PCDHGA1: variants seen among roughly 807,000 people sequenced by gnomAD.
PCDHGA1 encodes the protein protocadherin gamma-A1.
PCDHGA1 carries 32 observed loss-of-function variants against 58.0 expected under a neutral mutation model. The observed-to-expected ratio is 0.55, with a 90% CI of 0.42 to 0.74. The LOEUF (loss-of-function observed/expected upper bound fraction) is 0.74. PCDHGA1 is among the 30% of genes least tolerant of loss of function. The pLI is 0.00. For synonymous variants in PCDHGA1, 498 were observed against 501.1 expected (o/e 0.99, Z 0.08); for missense variants, 1,205 against 1,182.3 (o/e 1.02, Z -0.28).
In PCDHGA1 at chr5:141,344,605, A is replaced by G; in HGVS notation, c.2421+11500A>G. ...AATAGCGTCTCTGAGGGGGCCAAGT[A>G]TCCAGAGCTGGTGCTGGAGCGGGCC... On this transcript the variant is annotated intron_variant, in intron 1 of 3. Coordinates refer to ENST00000517417, the MANE Select transcript of PCDHGA1 (RefSeq NM_018912.3). The G allele has an allele frequency of 6.2e-7, 1 of 1,613,998 alleles. No individual in the cohort carries two copies. The highest frequency in any genetic ancestry group is 8.5e-7 in the Non-Finnish European group (1 of 1,179,890).
intron 1 of PCDHGA1, among the ~76,000 whole-genome samples, chr5:141,482,899 T>C (rs1238389686): frequency 1.3e-5 from 2 of 152,076 alleles, no homozygotes; most frequent in Non-Finnish European, 2.9e-5. Context: ...TGGTGAAACC[T>C]CATCTCTATT....
intron 3 of PCDHGA1, 93 bp downstream of exon 3, chr5:141,505,574 C>G: frequency 6.3e-7 from 1 of 1,593,636 alleles, no homozygotes; most frequent in South Asian, 1.1e-5. Flanking sequence ...GGATGTCAAA[C>G]CTGTGTAGTT....
At chr5:141,400,684 G>GT (rs1422516327) in intron 1 of PCDHGA1, 1 of 834,872 alleles carries the variant, frequency 1.2e-6, no homozygotes, top group African/African-American at 1.7e-5. Flanking sequence ...TAAATTGTGA[G>GT]TTTTTATGTC....
chr5:141,401,125 C>T (rs2094118410), intron 1 of PCDHGA1, among the ~76,000 whole-genome samples: 1 of 152,200 alleles, frequency 6.6e-6, no homozygotes, highest in South Asian at 2.1e-4. Context: ...GGTTGGATCA[C>T]ATGGTCAGGA....
chr5:141,508,540 G>A (rs993826709), intron 3 of PCDHGA1, among the ~76,000 whole-genome samples: 3 of 152,144 alleles, frequency 2.0e-5, no homozygotes, highest in African/African-American at 4.8e-5. Flanking sequence ...CCCCCCACGA[G>A]GTGGGCGGGG....
intron 1 of PCDHGA1, chr5:141,398,610 T>C: frequency 6.2e-7 from 1 of 1,614,020 alleles, no homozygotes. Context: ...AAGATGCAGA[T>C]ATTGGCTTAA....
rs142590218 is a variant in PCDHGA1, at chr5:141,489,982, C to T, written c.2422-4825C>T. On this transcript the variant is annotated intron_variant, in intron 1 of 3. Coordinates refer to ENST00000517417, the MANE Select transcript of PCDHGA1 (RefSeq NM_018912.3). This position sits in a 1 kb window ranked among gnomAD's most constrained non-coding sequence, Gnocchi z 4.5. ...TCCAACCTTCCAATCCTCAGTTCTA[C>T]GTGTGGGAATCCCAGAGAATGCACC... The T allele has an allele frequency of 2.9e-5, 47 of 1,614,010 alleles. No individual in the cohort carries two copies. The highest frequency in any genetic ancestry group is 3.7e-5 in the Non-Finnish European group (44 of 1,179,964).
chr5:141,372,926 G>C, intron 1 of PCDHGA1: 3 of 943,814 alleles, frequency 3.2e-6, no homozygotes, highest in Non-Finnish European at 4.6e-6. Context: ...TTGATTTTCT[G>C]GTGTAGAGTA....
At chr5:141,423,225 C>T (rs763729316) in intron 1 of PCDHGA1, 3 of 1,613,804 alleles carry the variant, frequency 1.9e-6, no homozygotes, top group South Asian at 1.1e-5. Context: ...TGGCTGTGGC[C>T]GACAGCATCC....
intron 1 of PCDHGA1, among the ~76,000 whole-genome samples, chr5:141,463,542 G>A (rs1376087953): frequency 7.1e-6 from 1 of 141,810 alleles, no homozygotes; most frequent in African/African-American, 2.6e-5. Context: ...TCCGGCTCCC[G>A]GGTTCATGCC....
intron 1 of PCDHGA1, chr5:141,423,750 TGGG>T: frequency 4.5e-5 from 13 of 287,436 alleles, no homozygotes; most frequent in South Asian, 1.7e-4. Flanking sequence ...GAAAACTGTT[TGGG>T]GGGGGGGTGG....
At chr5:141,464,580 G>A (rs1459502164) in intron 1 of PCDHGA1, among the ~76,000 whole-genome samples, 1 of 152,118 alleles carries the variant, frequency 6.6e-6, no homozygotes, top group East Asian at 1.9e-4. Context: ...AGATGAGAAT[G>A]TCCATTGTCC....
intron 3 of PCDHGA1, chr5:141,508,338 A>T (rs1245526252): frequency 1.3e-5 from 2 of 152,224 alleles, no homozygotes; most frequent in Non-Finnish European, 2.9e-5. Flanking sequence ...AACTGACTCT[A>T]CAGAAAGTCA....
intron 1 of PCDHGA1, chr5:141,374,690 G>A (rs758543198): frequency 6.2e-7 from 1 of 1,609,720 alleles, no homozygotes; most frequent in Non-Finnish European, 8.5e-7. Flanking sequence ...ACTGGACCGG[G>A]AAGGAGAAGC....
chr5:141,372,572 C>T (rs1199574805), intron 1 of PCDHGA1: 4 of 1,614,056 alleles, frequency 2.5e-6, no homozygotes, highest in East Asian at 4.5e-5. Flanking sequence ...CTGAGGGCTA[C>T]TTTCAGCCTG....
intron 1 of PCDHGA1, chr5:141,356,725 T>C (rs780083329): frequency 3.1e-6 from 5 of 1,613,818 alleles, no homozygotes; most frequent in Non-Finnish European, 4.2e-6. Context: ...CTCCATCAAC[T>C]CCAATACAGG....
intron 1 of PCDHGA1, among the ~76,000 whole-genome samples, chr5:141,482,435 A>G (rs2099559555): frequency 6.6e-6 from 1 of 150,568 alleles, no homozygotes; most frequent in South Asian, 2.1e-4. Flanking sequence ...GATAATACTG[A>G]TATTCACCAT....
intron 1 of PCDHGA1, chr5:141,410,904 A>G (rs2095446600): frequency 3.8e-6 from 1 of 262,528 alleles, no homozygotes; most frequent in African/African-American, 3.2e-5. Flanking sequence ...CCTAGGCTGG[A>G]GTGCAGTGGC....
At chr5:141,443,980 T>A (rs2098412674) in intron 1 of PCDHGA1, among the ~76,000 whole-genome samples, 1 of 152,036 alleles carries the variant, frequency 6.6e-6, no homozygotes, top group South Asian at 2.1e-4. Context: ...CTAAGCTATG[T>A]TAATTTTATT....
Sources: allele counts gnomAD v4.1 joint callset (sites outside exome capture counted in the v4.1 genomes callset), GRCh38; gene constraint gnomAD v4.1.1; non-coding constraint Gnocchi (gnomAD v3.1); transcripts MANE v1.5; gene names NCBI Gene and HGNC (gene_info 2026-07-23, HGNC 2026-07-21).